AAK1: variants seen among roughly 807,000 people sequenced by gnomAD.
AAK1 encodes AP2-associated protein kinase 1.
AAK1 carries 37 observed loss-of-function variants against 116.0 expected under a neutral mutation model. The observed-to-expected ratio is 0.32, with a 90% CI of 0.25 to 0.42. The LOEUF (loss-of-function observed/expected upper bound fraction) is 0.42. Among genes scored for constraint, AAK1 ranks in the 10% least tolerant of loss-of-function variants. The probability of loss-of-function intolerance (pLI) is 1.00; values close to 1 mark genes in which losing one functional copy is unlikely to be tolerated. For missense variants in AAK1, 919 were observed against 1,170.6 expected (o/e 0.79, Z 3.14); for synonymous variants, 458 against 439.9 (o/e 1.04, Z -0.51).
At chr2:69,542,407 T>C in intron 5 of AAK1, 116 bp downstream of exon 5, 2 of 1,301,464 alleles carry the variant, frequency 1.5e-6, no homozygotes, top group Non-Finnish European at 2.1e-6. Flanking sequence ...AATATAAACA[T>C]AAAAACAGGG....
chr2:69,519,841 A>G (rs1316545125), intron 11 of AAK1, among the ~76,000 whole-genome samples: 3 of 152,188 alleles, frequency 2.0e-5, no homozygotes, highest in Non-Finnish European at 4.4e-5. Flanking sequence ...TCTTCTGTGA[A>G]TGTCAAAAGA....
chr2:69,474,621 A>G lies in AAK1; in HGVS notation c.*1248T>C. 1.0e-6 allele frequency: 1 copy of G among 985,566 alleles called. No individual in the cohort carries two copies. The highest frequency in any genetic ancestry group is 4.7e-5 in the South Asian group (1 of 21,274). The allele number at this position is 985,566 out of a possible 1,614,324, so 61.1% of individuals were successfully genotyped here. On this transcript the variant is annotated 3_prime_UTR_variant, in exon 22 of 22. Transcript: ENST00000409085. ...CCTTCAATTTAAACATCAGAAAGAAAGGTAAGCTGGGCACACCCAGATTGT... is the reference window on the plus strand; with the variant it reads ...CCTTCAATTTAAACATCAGAAAGAAGGGTAAGCTGGGCACACCCAGATTGT...
At chr2:69,573,414 T>C (rs1055582469) in intron 2 of AAK1, among the ~76,000 whole-genome samples, 4 of 152,172 alleles carry the variant, frequency 2.6e-5, no homozygotes, top group African/African-American at 4.8e-5. Context: ...CCACCTGACC[T>C]GGAAGGAAGA....
rs753245875 is a variant in AAK1, at chr2:69,519,099, T to C, written c.1352A>G (p.Gln451Arg). 9 of 1,553,050 alleles carry C rather than the reference T, an allele frequency of 5.8e-6. No homozygotes were observed. In the East Asian group the frequency reaches 1.2e-4, roughly 21 times the overall value. Residue 451 changes from glutamine (Q) to arginine (R), a missense_variant, in exon 12 of 22, where the codon CAG becomes CGG. Physicochemically the swap from Gln to Arg is conservative, Grantham distance 43. Coordinates refer to ENST00000409085, the MANE Select transcript of AAK1 (RefSeq NM_014911.5). ...GGCCTGGGCCTGAGCGGGCAGACCC[T>C]GGGCCTGAGTAGAAGGCGTCTGCTG... ...TPQQTPSTQA[Q>R]GLPAQAQATP...
chr2:69,565,232 G>C (rs1357315738), intron 2 of AAK1, among the ~76,000 whole-genome samples: 2 of 152,258 alleles, frequency 1.3e-5, no homozygotes, highest in East Asian at 1.9e-4. Flanking sequence ...TGTCACGAAG[G>C]AACGTGGGCT....
In AAK1 at chr2:69,599,305, C is replaced by T. The variant is rs112705331; in HGVS notation, c.164-42327G>A. Among the ~76,000 whole-genome samples, 1,267 of 149,538 alleles carry T rather than the reference C, an allele frequency of 8.5e-3. 14 individuals carry two copies. The highest frequency in any genetic ancestry group is 0.03 in the African/African-American group (1,214 of 40,440). On this transcript the variant is annotated intron_variant, in intron 2 of 21. Transcript: ENST00000409085. ...AATAAGAAAGCAATGTAGAGTTTTA[C>T]TGAACAATCTAGTCACTTAATTTTG...
intron 7 of AAK1, 46 bp downstream of exon 7, chr2:69,530,579 C>T: frequency 1.3e-6 from 2 of 1,512,630 alleles, no homozygotes; most frequent in Non-Finnish European, 1.8e-6. Flanking sequence ...AATTCACAGT[C>T]AAGACTGCTG....
intron 2 of AAK1, among the ~76,000 whole-genome samples, chr2:69,637,104 C>A (rs6727435): frequency 0.26 from 39,321 of 152,160 alleles, 5,632 homozygotes; most frequent in East Asian, 0.54. Flanking sequence ...ACATACAGCT[C>A]CCCAGTAAGC....
At position 69,466,280 on chromosome 2, in the gene AAK1, A is replaced by ATCT. The variant is rs1558882731; in HGVS notation, c.*9586_*9588dup. 1 of 1,289,690 alleles carries ATCT rather than the reference A, an allele frequency of 7.8e-7. No individual in the cohort carries two copies. Among genetic ancestry groups the ATCT allele is most frequent in the Non-Finnish European group, 1.0e-6 (1 of 988,818 alleles). 79.9% of individuals were successfully genotyped at this position (1,289,690 alleles called of 1,614,324 possible). A position where few individuals can be genotyped will look rare whatever the true frequency, so the allele number is the denominator to read the frequency against. On this transcript the variant is annotated 3_prime_UTR_variant, in exon 22 of 22. Transcript: ENST00000409085. ...TCCCCGGGGGGGGTCTGCAGCTCTC[A>ATCT]TCTTCTTCTTCAGACTCCATAAGGA...
rs1674789511 is a variant in AAK1 at position 69,474,711 on chromosome 2, C to G, written c.*1158G>C. ...ATAAACAACATGCTTATTCTAGAGA[C>G]AGAGGACCTGCTGAAAGCTTATAGC... On this transcript the variant is annotated 3_prime_UTR_variant, in exon 22 of 22. Coordinates refer to ENST00000409085, the MANE Select transcript of AAK1 (RefSeq NM_014911.5). 1 of 985,684 alleles carries G rather than the reference C, an allele frequency of 1.0e-6. No individual in the cohort carries two copies. Among genetic ancestry groups the G allele is most frequent in the Non-Finnish European group, 1.2e-6 (1 of 829,920 alleles). 61.1% of individuals were successfully genotyped at this position (985,684 alleles called of 1,614,324 possible). A position where few individuals can be genotyped will look rare whatever the true frequency, so the allele number is the denominator to read the frequency against.
rs527430212 is a variant in AAK1, at chr2:69,574,141, T to C, written c.164-17163A>G. 7.3e-5 allele frequency among the ~76,000 whole-genome samples: 11 copies of C among 150,698 alleles called. No individual in the cohort carries two copies. The South Asian group carries it at 2.3e-3, about 32-fold the overall frequency. ...TCCCAAGCACTTTGGGAGGCTGAGG[T>C]GGATCACTTGAGGTCAGGAGTAGGA... On this transcript the variant is annotated intron_variant, in intron 2 of 21. Transcript: ENST00000409085.
At chr2:69,641,969 AG>A (rs34948970) in intron 2 of AAK1, among the ~76,000 whole-genome samples, 1 of 152,178 alleles carries the variant, frequency 6.6e-6, no homozygotes, top group Non-Finnish European at 1.5e-5. Flanking sequence ...AAAGCACACT[AG>A]GCAGGCGAAG....
intron 3 of AAK1, among the ~76,000 whole-genome samples, chr2:69,554,361 A>C (rs1262556030): frequency 3.3e-5 from 5 of 152,246 alleles, no homozygotes; most frequent in Non-Finnish European, 7.3e-5. Context: ...GTTAAAAAGT[A>C]CAAAGAAAAC....
At position 69,642,960 on chromosome 2, in the gene AAK1, G is replaced by A. The variant is rs1441373164; in HGVS notation, c.81C>T (p.Thr27=). The part of the protein sequence containing the change: ...GSGSSGGGGS[T]SGLGSGYIGR... ...CGATGTAGCCACTGCCCAGGCCCGA[G>A]GTGCTGCCCCCTCCTCCGCTGGAGC... The change falls in exon 2 of 22, where the codon ACC becomes ACT. Residue 27 remains threonine (T), a synonymous_variant. Coordinates refer to ENST00000409085, the MANE Select transcript of AAK1 (RefSeq NM_014911.5). 1.2e-6 allele frequency: 2 copies of A among 1,613,434 alleles called. No homozygotes were observed. Among genetic ancestry groups the A allele is most frequent in the African/African-American group, 1.3e-5 (1 of 74,912 alleles).
At chr2:69,618,970 C>G (rs1413383703) in intron 2 of AAK1, among the ~76,000 whole-genome samples, 1 of 152,194 alleles carries the variant, frequency 6.6e-6, no homozygotes, top group Non-Finnish European at 1.5e-5. Flanking sequence ...ATCAACCAAT[C>G]AACCCCCTGC....
Position 69,542,510 on chromosome 2 carries a change from G to T in AAK1, c.534+13C>A, listed in dbSNP as rs374990657. 6.2e-7 allele frequency: 1 copy of T among 1,613,676 alleles called. No individual in the cohort carries two copies. Among genetic ancestry groups the T allele is most frequent in the Non-Finnish European group, 8.5e-7 (1 of 1,179,676 alleles). On this transcript the variant is annotated intron_variant, in intron 5 of 21. Coordinates refer to ENST00000409085, the MANE Select transcript of AAK1 (RefSeq NM_014911.5). ...TGAGTAGAATGCCCGTAATGAAAGA[G>T]TGTGGTCTGTACCTTCAGGTCCCGG...
In AAK1 at chr2:69,542,515, G is replaced by A. The variant is rs895958823; in HGVS notation, c.534+8C>T. On this transcript the variant is annotated splice_region_variant and intron_variant, in intron 5 of 21. Transcript: ENST00000409085. ...AGAATGCCCGTAATGAAAGAGTGTG[G>A]TCTGTACCTTCAGGTCCCGGTGGAT... 2 of 1,613,474 alleles carry A rather than the reference G, an allele frequency of 1.2e-6. No individual in the cohort carries two copies. The highest frequency in any genetic ancestry group is 1.7e-6 in the Non-Finnish European group (2 of 1,179,744).
At chr2:69,564,718 G>A (rs1298211180) in intron 2 of AAK1, among the ~76,000 whole-genome samples, 1 of 152,036 alleles carries the variant, frequency 6.6e-6, no homozygotes, top group Admixed American at 6.6e-5. Flanking sequence ...ACCTGCCAAG[G>A]GCTTTCACTT....
In AAK1 at chr2:69,590,945, C is replaced by T. The variant is rs189696283; in HGVS notation, c.164-33967G>A. Reference sequence around the variant, plus strand: ...GACATTGAGAAAAAATATAAGCCTACATCGAGCACCTACTATGGAAAGATG... The same window carrying T: ...GACATTGAGAAAAAATATAAGCCTATATCGAGCACCTACTATGGAAAGATG... On this transcript the variant is annotated intron_variant, in intron 2 of 21. Coordinates refer to ENST00000409085, the MANE Select transcript of AAK1 (RefSeq NM_014911.5). Among the ~76,000 whole-genome samples the T allele has an allele frequency of 2.6e-5, 4 of 152,316 alleles. No individual in the cohort carries two copies. The East Asian group carries it at 7.7e-4, about 29-fold the overall frequency.
Sources: allele counts gnomAD v4.1 joint callset (sites outside exome capture counted in the v4.1 genomes callset), GRCh38; gene constraint gnomAD v4.1.1; transcripts MANE v1.5; gene names NCBI Gene and HGNC (gene_info 2026-07-23, HGNC 2026-07-21).